The following SEPTIN10 variants were observed in gnomAD, a reference collection of about 807,000 sequenced individuals.
The protein encoded by SEPTIN10 is septin-10.
SEPTIN10 carries 66 observed loss-of-function variants against 54.8 expected under a neutral mutation model. The ratio of observed to expected loss-of-function variants is 1.21; its 90% confidence interval spans 0.99 to 1.48. SEPTIN10 has a LOEUF of 1.48. Ranked by LOEUF, SEPTIN10 falls within the 40% of genes most tolerant of loss-of-function variation. The pLI is 0.00. For synonymous variants in SEPTIN10, 161 were observed against 181.0 expected, an observed-to-expected ratio of 0.89 and a Z score of 0.89; for missense variants, 620 against 545.6, an observed-to-expected ratio of 1.14 and a Z score of -1.36.
chr2:109,554,165 G>A (rs974262403), intron 8 of SEPTIN10, among the ~76,000 whole-genome samples: 1 of 152,108 alleles, frequency 6.6e-6, no homozygotes, highest in African/African-American at 2.4e-5. Flanking sequence ...AATTTTTGGT[G>A]CATCAGTGAG....
At chr2:109,581,336 C>A (rs1262635153) in intron 4 of SEPTIN10, among the ~76,000 whole-genome samples, 2 of 151,854 alleles carry the variant, frequency 1.3e-5, no homozygotes, top group Non-Finnish European at 2.9e-5. Flanking sequence ...GTTTGGGAGG[C>A]TGAGGCTTGA....
chr2:109,545,336 A>T, intron 10 of SEPTIN10: 2 of 1,494,988 alleles, frequency 1.3e-6, no homozygotes, highest in Non-Finnish European at 1.8e-6. Flanking sequence ...ATCAAAAAGG[A>T]AAAATAAACT....
At chr2:109,595,575 G>A (rs1695138191) in intron 1 of SEPTIN10, among the ~76,000 whole-genome samples, 1 of 152,114 alleles carries the variant, frequency 6.6e-6, no homozygotes, top group Admixed American at 6.6e-5. Flanking sequence ...ATCACTGAAG[G>A]CAGGAGTCAA....
At chr2:109,613,685 G>C in intron 1 of SEPTIN10, 113 bp downstream of exon 1, 1 of 711,234 alleles carries the variant, frequency 1.4e-6, no homozygotes, top group Non-Finnish European at 1.9e-6. Flanking sequence ...CGGGGCCGGA[G>C]GGGGCGCGGG....
intron 1 of SEPTIN10, among the ~76,000 whole-genome samples, chr2:109,600,070 A>C (rs1282301343): frequency 6.6e-6 from 1 of 152,068 alleles, no homozygotes; most frequent in Non-Finnish European, 1.5e-5. Context: ...TGCAGTATAG[A>C]CCCAAGACCA....
intron 9 of SEPTIN10, among the ~76,000 whole-genome samples, chr2:109,546,984 G>T (rs796284153): frequency 2.4e-4 from 37 of 152,288 alleles, no homozygotes; most frequent in African/African-American, 7.9e-4. Flanking sequence ...GCAGATACAG[G>T]AAAGCTCTCT....
At chr2:109,565,726 T>C (rs375032818) in intron 7 of SEPTIN10, 37 bp downstream of exon 7, 178 of 1,491,044 alleles carry the variant, frequency 1.2e-4, no homozygotes, top group Admixed American at 2.7e-4. Flanking sequence ...GATTACTAGA[T>C]AGATACATAT....
At chr2:109,606,093 G>A (rs1411291488) in intron 1 of SEPTIN10, among the ~76,000 whole-genome samples, 1 of 152,208 alleles carries the variant, frequency 6.6e-6, no homozygotes, top group Non-Finnish European at 1.5e-5. Context: ...AGAGATAACA[G>A]TACTCAGCTC....
chr2:109,570,279 T>C (rs2105329063), intron 5 of SEPTIN10, among the ~76,000 whole-genome samples: 1 of 152,272 alleles, frequency 6.6e-6, no homozygotes, highest in East Asian at 1.9e-4. Flanking sequence ...CCTTTACCGT[T>C]ACCATAAAAT....
chr2:109,588,187 A>C lies in SEPTIN10; in HGVS notation c.100-2349T>G, dbSNP rs532699236. 2.6e-5 allele frequency among the ~76,000 whole-genome samples: 4 copies of C among 152,326 alleles called. No individual in the cohort carries two copies. The East Asian group carries it at 5.8e-4, about 22-fold the overall frequency. On this transcript the variant is annotated intron_variant, in intron 2 of 10. Transcript: ENST00000397712. ...ATGAAGGCAAAATGAAGACAACTTC[A>C]GATAAACAAAATCTGAGAAAATCCA...
intron 9 of SEPTIN10, 89 bp from the exon 10 acceptor site, chr2:109,546,326 A>G: frequency 2.6e-6 from 2 of 759,694 alleles, no homozygotes; most frequent in Non-Finnish European, 4.1e-6. Flanking sequence ...CGGACCCCAT[A>G]GCGCAACACA....
At chr2:109,582,205 C>T (rs1691353522) in intron 4 of SEPTIN10, among the ~76,000 whole-genome samples, 1 of 152,098 alleles carries the variant, frequency 6.6e-6, no homozygotes, top group Non-Finnish European at 1.5e-5. Flanking sequence ...AAAGAAATCA[C>T]AGATGACACC....
At chr2:109,611,048 C>A (rs1242741242) in intron 1 of SEPTIN10, among the ~76,000 whole-genome samples, 2 of 152,180 alleles carry the variant, frequency 1.3e-5, no homozygotes, top group Non-Finnish European at 2.9e-5. Flanking sequence ...ATATGCTCAA[C>A]TGACTTTTGA....
intron 4 of SEPTIN10, among the ~76,000 whole-genome samples, chr2:109,584,437 T>C (rs762921697): frequency 7.9e-6 from 1 of 127,146 alleles, no homozygotes; most frequent in Non-Finnish European, 1.5e-5. Flanking sequence ...ATCATGCCAC[T>C]GCACTCCAGA....
intron 1 of SEPTIN10, among the ~76,000 whole-genome samples, chr2:109,593,409 CTTTT>C (rs766138431): frequency 1.5e-5 from 2 of 133,802 alleles, no homozygotes; most frequent in African/African-American, 5.6e-5. Context: ...AGAGAAAGAA[CTTTT>C]TTTTTTTTTT....
chr2:109,593,409 C>CTTTTTTTTTTTTT (rs766138431), intron 1 of SEPTIN10, among the ~76,000 whole-genome samples: 1 of 133,804 alleles, frequency 7.5e-6, no homozygotes, highest in African/African-American at 2.8e-5. Context: ...AGAGAAAGAA[C>CTTTTTTTTTTTTT]TTTTTTTTTT....
intron 6 of SEPTIN10, 111 bp from the exon 7 acceptor site, chr2:109,565,970 C>T (rs937958928): frequency 2.7e-5 from 27 of 985,260 alleles, no homozygotes; most frequent in South Asian, 2.2e-4. Flanking sequence ...CTATTAAAAT[C>T]GAATGGTCAG....
chr2:109,578,606 A>T (rs992239929), intron 4 of SEPTIN10, among the ~76,000 whole-genome samples: 2 of 152,082 alleles, frequency 1.3e-5, no homozygotes, highest in Admixed American at 6.5e-5. Flanking sequence ...ATCTCTACTA[A>T]AAATACAAAA....
intron 8 of SEPTIN10, among the ~76,000 whole-genome samples, chr2:109,557,607 C>A (rs758487335): frequency 3.9e-5 from 6 of 152,178 alleles, no homozygotes; most frequent in Non-Finnish European, 8.8e-5. Flanking sequence ...TGCATCTCAT[C>A]GTGCTGCTTT....
Sources: allele counts gnomAD v4.1 joint callset (sites outside exome capture counted in the v4.1 genomes callset), GRCh38; gene constraint gnomAD v4.1.1; transcripts MANE v1.5; gene names NCBI Gene and HGNC (gene_info 2026-07-23, HGNC 2026-07-21).